The following CGB2 variants were observed in gnomAD, a reference collection of about 807,000 sequenced individuals.
The protein encoded by CGB2 is chorionic gonadotropin subunit beta 2, also known as choriogonadotropin subunit beta variant 2.
A neutral mutation model predicts 7.1 loss-of-function variants in CGB2; 4 were observed. That is an observed-to-expected ratio of 0.57 (90% confidence interval 0.28 to 1.29). The LOEUF (loss-of-function observed/expected upper bound fraction) is 1.29. CGB2 is among the 50% of genes most tolerant of loss of function. The pLI is 0.10. For synonymous variants in CGB2, 51 were observed against 100.3 expected (o/e 0.51, Z 2.94); for missense variants, 88 against 224.0 (o/e 0.39, Z 3.88).
At chr19:49,032,478 C>A in intron 1 of CGB2, 26 bp from the exon 2 acceptor site, 1 of 1,556,850 alleles carries the variant, frequency 6.4e-7, no homozygotes, top group Non-Finnish European at 8.6e-7. Flanking sequence ...GTCTCAGACC[C>A]GGGTGAAGCA....
intron 1 of CGB2, 89 bp from the exon 2 acceptor site, chr19:49,032,415 T>C: frequency 1.3e-6 from 2 of 1,596,992 alleles, no homozygotes; most frequent in Non-Finnish European, 8.5e-7. Flanking sequence ...GGTCTCTGGG[T>C]CTTTGTGGGT....
chr19:49,032,689 G>T lies in CGB2; in HGVS notation c.177+18G>T. The T allele has an allele frequency of 3.6e-6, 4 of 1,100,342 alleles. No individual in the cohort carries two copies. Among genetic ancestry groups the T allele is most frequent in the Non-Finnish European group, 5.0e-6 (4 of 794,674 alleles). The allele number at this position is 1,100,342 out of a possible 1,614,324, so 68.2% of individuals were successfully genotyped here. Reference sequence around the variant, plus strand: ...CCACCATGGTGAGCTGCCCGGGGCCGGGGCAGGTGCTGCCACCTCAGGGCC... The same window carrying T: ...CCACCATGGTGAGCTGCCCGGGGCCTGGGCAGGTGCTGCCACCTCAGGGCC... On this transcript the variant is annotated intron_variant, in intron 2 of 2. Coordinates refer to ENST00000359342, the MANE Select transcript of CGB2 (RefSeq NM_033378.2).
Position 49,031,905 on chromosome 19 carries a change from G to GCGC in CGB2, c.-189_-187dup, listed in dbSNP as rs1331870499. ...GCCAGTGAGGGCCCTGCGTTCCGTG[G>GCGC]CGCCCCCTGGAGGGAGGAAGGGGAA... On this transcript the variant is annotated 5_prime_UTR_variant, in exon 1 of 3. Coordinates refer to ENST00000359342, the MANE Select transcript of CGB2 (RefSeq NM_033378.2). The GCGC allele has an allele frequency of 1.4e-6, 1 of 709,904 alleles. No homozygotes were observed. The highest frequency in any genetic ancestry group is 1.8e-5 in the African/African-American group (1 of 56,168). 44.0% of individuals were successfully genotyped at this position (709,904 alleles called of 1,614,324 possible).
chr19:49,032,220 A>G (rs1471592060), intron 1 of CGB2, 116 bp downstream of exon 1: 76 of 1,613,576 alleles, frequency 4.7e-5, no homozygotes, highest in Non-Finnish European at 6.2e-5. Context: ...GAAGGGGCAG[A>G]CCAGTGTGAG....
rs375800569 is a variant in CGB2 at position 49,031,972 on chromosome 19, G to C, written c.-124G>C. The C allele has an allele frequency of 1.7e-5, 23 of 1,388,962 alleles. No individual in the cohort carries two copies. The highest frequency in any genetic ancestry group is 2.3e-5 in the Non-Finnish European group (23 of 978,952). 86.0% of individuals were successfully genotyped at this position (1,388,962 alleles called of 1,614,324 possible). On this transcript the variant is annotated 5_prime_UTR_variant, in exon 1 of 3. Coordinates refer to ENST00000359342, the MANE Select transcript of CGB2 (RefSeq NM_033378.2). Reference sequence around the variant, plus strand: ...GCAGCCAATTGGGTCCGCTGACTCCGGCCGGGTTCCCGTGCCGCGTCCAAC... The same window carrying C: ...GCAGCCAATTGGGTCCGCTGACTCCCGCCGGGTTCCCGTGCCGCGTCCAAC...
Position 49,032,117 on chromosome 19 carries a change from G to T in CGB2, c.9+13G>T, listed in dbSNP as rs35414741. ...AGACATGTCAAAGGTAGGGTAGATC[G>T]ACATTTCCAGGCACCAAAGATGGAG... On this transcript the variant is annotated intron_variant, in intron 1 of 2. Coordinates refer to ENST00000359342, the MANE Select transcript of CGB2 (RefSeq NM_033378.2). The T allele has an allele frequency of 1.2e-6, 2 of 1,613,566 alleles. No homozygotes were observed. The highest frequency in any genetic ancestry group is 1.1e-5 in the South Asian group (1 of 91,066).
At position 49,032,690 on chromosome 19, in the gene CGB2, G is replaced by A; in HGVS notation, c.177+19G>A. On this transcript the variant is annotated intron_variant, in intron 2 of 2. Transcript: ENST00000359342. The stretch of plus-strand genomic sequence containing the variant: ...CACCATGGTGAGCTGCCCGGGGCCG[G>A]GGCAGGTGCTGCCACCTCAGGGCCA... The A allele has an allele frequency of 9.0e-7, 1 of 1,116,008 alleles. No homozygotes were observed. Among genetic ancestry groups the A allele is most frequent in the Admixed American group, 2.5e-5 (1 of 40,778 alleles). 69.1% of individuals were successfully genotyped at this position (1,116,008 alleles called of 1,614,324 possible).
At chr19:49,032,146 T>A (rs1469373704) in intron 1 of CGB2, 42 bp downstream of exon 1, 1 of 1,613,816 alleles carries the variant, frequency 6.2e-7, no homozygotes, top group Non-Finnish European at 8.5e-7. Flanking sequence ...GATGGAGATG[T>A]TCCAGGAAAG....
At position 49,031,896 on chromosome 19, in the gene CGB2, C is replaced by A. The variant is rs1413032839; in HGVS notation, c.-200C>A. The A allele has an allele frequency of 1.5e-6, 1 of 660,964 alleles. No individual in the cohort carries two copies. Among genetic ancestry groups the A allele is most frequent in the South Asian group, 1.8e-5 (1 of 56,316 alleles). The allele number at this position is 660,964 out of a possible 1,614,324, so 40.9% of individuals were successfully genotyped here. On this transcript the variant is annotated 5_prime_UTR_variant, in exon 1 of 3. Coordinates refer to ENST00000359342, the MANE Select transcript of CGB2 (RefSeq NM_033378.2). ...GTCCCCAGGGCCAGTGAGGGCCCTG[C>A]GTTCCGTGGCGCCCCCTGGAGGGAG...
chr19:49,032,238 A>T (rs2039745153), intron 1 of CGB2, 134 bp downstream of exon 1: 1 of 1,611,388 alleles, frequency 6.2e-7, no homozygotes, highest in African/African-American at 1.3e-5. Context: ...GAGCTGTGGA[A>T]GGAGGCCTCT....
At chr19:49,032,126 A>G (rs769785547) in intron 1 of CGB2, 22 bp downstream of exon 1, 76 of 1,613,840 alleles carry the variant, frequency 4.7e-5, no homozygotes, top group East Asian at 2.9e-4. Flanking sequence ...CGACATTTCC[A>G]GGCACCAAAG....
Position 49,032,240 on chromosome 19 carries a change from G to A in CGB2, c.9+136G>A, listed in dbSNP as rs141087007. On this transcript the variant is annotated intron_variant, in intron 1 of 2. Transcript: ENST00000359342. ...GGCAGACCAGTGTGAGCTGTGGAAG[G>A]AGGCCTCTTTCTGGAGGAGCGTGAC... 2,975 of 1,611,364 alleles carry A rather than the reference G, an allele frequency of 1.8e-3. 52 individuals carry two copies. The African/African-American group carries it at 0.033, about 18-fold the overall frequency.
rs1166094103 is a variant in CGB2 at position 49,032,617 on chromosome 19, C to T, written c.123C>T (p.Cys41=). The change falls in exon 2 of 3, where the codon TGC becomes TGT. Residue 41 remains cysteine, a synonymous_variant. Coordinates refer to ENST00000359342, the MANE Select transcript of CGB2 (RefSeq NM_033378.2). ...NATLAVEKEG[C]PVCITVNTTI... The stretch of plus-strand genomic sequence containing the variant: ...CCCTGGCTGTGGAGAAGGAGGGCTG[C>T]CCCGTGTGCATCACCGTCAACACCA... 1 of 1,435,196 alleles carries T rather than the reference C, an allele frequency of 7.0e-7. No individual in the cohort carries two copies. The highest frequency in any genetic ancestry group is 9.3e-7 in the Non-Finnish European group (1 of 1,072,160). 88.9% of individuals were successfully genotyped at this position (1,435,196 alleles called of 1,614,324 possible). A position where few individuals can be genotyped will look rare whatever the true frequency, so the allele number is the denominator to read the frequency against.
chr19:49,032,622 T>G lies in CGB2; in HGVS notation c.128T>G (p.Val43Gly), dbSNP rs1282271061. The change falls in exon 2 of 3, where the codon GTG becomes GGG. Residue 43 changes from valine to glycine, a missense_variant. By Grantham distance (109) the Val-to-Gly change is moderately radical (BLOSUM62 -3). Coordinates refer to ENST00000359342, the MANE Select transcript of CGB2 (RefSeq NM_033378.2). Reference sequence around the variant, plus strand: ...GCTGTGGAGAAGGAGGGCTGCCCCGTGTGCATCACCGTCAACACCACCATC... The same window carrying G: ...GCTGTGGAGAAGGAGGGCTGCCCCGGGTGCATCACCGTCAACACCACCATC... ...TLAVEKEGCPVCITVNTTICA... is the reference protein window; with the variant it reads ...TLAVEKEGCPGCITVNTTICA... 1 of 1,421,104 alleles carries G rather than the reference T, an allele frequency of 7.0e-7. No homozygotes were observed. Among genetic ancestry groups the G allele is most frequent in the East Asian group, 2.5e-5 (1 of 40,146 alleles). 88.0% of individuals were successfully genotyped at this position (1,421,104 alleles called of 1,614,324 possible). A position where few individuals can be genotyped will look rare whatever the true frequency, so the allele number is the denominator to read the frequency against.
In CGB2 at chr19:49,032,489, G is replaced by C. The variant is rs572040980; in HGVS notation, c.10-15G>C. 1 of 1,575,038 alleles carries C rather than the reference G, an allele frequency of 6.3e-7. No homozygotes were observed. Among genetic ancestry groups the C allele is most frequent in the South Asian group, 1.1e-5 (1 of 88,408 alleles). On this transcript the variant is annotated splice_polypyrimidine_tract_variant and intron_variant, in intron 1 of 2. Transcript: ENST00000359342. ...TGCGGTCTCAGACCCGGGTGAAGCA[G>C]TGTCCTTGTCCCAGGGGCTGCTGCT...
rs1325146902 is a variant in CGB2, at chr19:49,032,083, C to G, written c.-13C>G. 2 of 1,613,928 alleles carry G rather than the reference C, an allele frequency of 1.2e-6. No homozygotes were observed. Among genetic ancestry groups the G allele is most frequent in the South Asian group, 2.2e-5 (2 of 91,070 alleles). ...CCCAGTGCTTGCGGAAGATATCCCGCTAAGAGAGAGACATGTCAAAGGTAG... is the reference window on the plus strand; with the variant it reads ...CCCAGTGCTTGCGGAAGATATCCCGGTAAGAGAGAGACATGTCAAAGGTAG... On this transcript the variant is annotated 5_prime_UTR_variant, in exon 1 of 3. Transcript: ENST00000359342.
At position 49,032,485 on chromosome 19, in the gene CGB2, A is replaced by G. The variant is rs1260387464; in HGVS notation, c.10-19A>G. 1.9e-6 allele frequency: 3 copies of G among 1,569,120 alleles called. No homozygotes were observed. The highest frequency in any genetic ancestry group is 2.6e-6 in the Non-Finnish European group (3 of 1,166,778). ...GGGCTGCGGTCTCAGACCCGGGTGA[A>G]GCAGTGTCCTTGTCCCAGGGGCTGC... is the stretch of plus-strand genomic sequence containing the variant. On this transcript the variant is annotated intron_variant, in intron 1 of 2. Transcript: ENST00000359342.
rs746243374 is a variant in CGB2, at chr19:49,032,070, G to T, written c.-26G>T. The T allele has an allele frequency of 6.2e-7, 1 of 1,613,832 alleles. No homozygotes were observed. The highest frequency in any genetic ancestry group is 1.7e-5 in the Admixed American group (1 of 60,008). On this transcript the variant is annotated 5_prime_UTR_variant, in exon 1 of 3. Transcript: ENST00000359342. ...CCATGTCCACATCCCCAGTGCTTGC[G>T]GAAGATATCCCGCTAAGAGAGAGAC...
In CGB2 at chr19:49,031,960, T is replaced by G; in HGVS notation, c.-136T>G. The G allele has an allele frequency of 8.3e-7, 1 of 1,211,278 alleles. No individual in the cohort carries two copies. Among genetic ancestry groups the G allele is most frequent in the South Asian group, 1.2e-5 (1 of 80,008 alleles). The allele number at this position is 1,211,278 out of a possible 1,614,324, so 75.0% of individuals were successfully genotyped here. On this transcript the variant is annotated 5_prime_UTR_variant, in exon 1 of 3. Transcript: ENST00000359342. ...ATCTGAGAGAGAGCAGCCAATTGGG[T>G]CCGCTGACTCCGGCCGGGTTCCCGT...
Sources: gnomAD v4.1 joint callset for allele counts on GRCh38, gnomAD v4.1.1 for gene constraint, MANE v1.5 for transcripts, NCBI Gene and HGNC (gene_info 2026-07-23, HGNC 2026-07-21) for gene names.